The following SCHIP1 variants were observed in gnomAD, a reference collection of about 807,000 sequenced individuals.
SCHIP1 encodes the protein schwannomin-interacting protein 1.
In SCHIP1, 8 loss-of-function variants were observed where a neutral mutation model predicts 29.7. The observed-to-expected ratio is 0.27, with a 90% confidence interval of 0.16 to 0.49. SCHIP1 has a LOEUF of 0.49. Among genes scored for constraint, SCHIP1 ranks in the 20% least tolerant of loss-of-function variants. SCHIP1 has a pLI of 0.99. For missense variants in SCHIP1, 193 were observed against 294.6 expected (o/e 0.66, Z 2.52); for synonymous variants, 76 against 94.9 (o/e 0.80, Z 1.16).
the SCHIP1 span, among the ~76,000 whole-genome samples, chr3:159,634,056 G>A: frequency 6.6e-6 from 1 of 152,208 alleles, no homozygotes; most frequent in South Asian, 2.1e-4. Context: ...TGTGACATAT[G>A]AAGGGATGGG....
the SCHIP1 span, among the ~76,000 whole-genome samples, chr3:159,750,236 A>AAT: frequency 6.9e-6 from 1 of 145,964 alleles, no homozygotes; most frequent in Admixed American, 7.0e-5. Flanking sequence ...CAAAAAGCCA[A>AAT]ATATATATAG....
intron 1 of SCHIP1, among the ~76,000 whole-genome samples, chr3:159,855,650 A>T (rs1393727055): frequency 6.7e-6 from 1 of 149,560 alleles, no homozygotes; most frequent in Admixed American, 6.6e-5. Context: ...TATAAATATA[A>T]GTAAAAGTTG....
At chr3:159,501,878 C>A in the SCHIP1 span, among the ~76,000 whole-genome samples, 3 of 152,114 alleles carry the variant, frequency 2.0e-5, no homozygotes, top group Non-Finnish European at 4.4e-5. Context: ...CATGAGTTCC[C>A]ATTTTACAGA....
chr3:159,810,115 A>G, the SCHIP1 span, among the ~76,000 whole-genome samples: 14 of 152,196 alleles, frequency 9.2e-5, no homozygotes, highest in Non-Finnish European at 1.6e-4. Flanking sequence ...GCGTGATCTC[A>G]GCTCACTGCA....
the SCHIP1 span, among the ~76,000 whole-genome samples, chr3:159,688,996 T>C: frequency 6.6e-6 from 1 of 152,224 alleles, no homozygotes; most frequent in Non-Finnish European, 1.5e-5. Flanking sequence ...TTTTGGTTAC[T>C]GTAGGCTTGT....
the SCHIP1 span, among the ~76,000 whole-genome samples, chr3:159,569,666 T>A: frequency 2.0e-5 from 3 of 152,208 alleles, no homozygotes; most frequent in Non-Finnish European, 4.4e-5. Flanking sequence ...TGATTTATAA[T>A]CCTTTGGGTA....
chr3:159,750,902 C>CA, the SCHIP1 span, among the ~76,000 whole-genome samples: 2 of 35,586 alleles, frequency 5.6e-5, no homozygotes, highest in African/African-American at 8.7e-5. Context: ...TCCAAACAAA[C>CA]AAAAAAAAAT....
At chr3:159,797,661 C>G in the SCHIP1 span, among the ~76,000 whole-genome samples, 1 of 152,200 alleles carries the variant, frequency 6.6e-6, no homozygotes, top group South Asian at 2.1e-4. Context: ...CAAGCTCTGC[C>G]TCCCAGGTTC....
At chr3:159,779,349 C>T in the SCHIP1 span, among the ~76,000 whole-genome samples, 1 of 152,100 alleles carries the variant, frequency 6.6e-6, no homozygotes, top group African/African-American at 2.4e-5. Flanking sequence ...CTAATGGGCA[C>T]CAGGCATAGT....
chr3:159,321,337 C>T, the SCHIP1 span, among the ~76,000 whole-genome samples: 6 of 152,188 alleles, frequency 3.9e-5, no homozygotes, highest in African/African-American at 1.4e-4. Flanking sequence ...CGAGAAGTTT[C>T]TCCTTTCTGC....
the SCHIP1 span, among the ~76,000 whole-genome samples, chr3:159,277,145 T>C: frequency 6.6e-6 from 1 of 152,000 alleles, no homozygotes; most frequent in Admixed American, 6.6e-5. Flanking sequence ...TGCACCACAA[T>C]GGCAGGAAAA....
intron 1 of SCHIP1, among the ~76,000 whole-genome samples, chr3:159,860,116 G>T (rs1442299053): frequency 6.6e-6 from 1 of 152,130 alleles, no homozygotes; most frequent in Non-Finnish European, 1.5e-5. Context: ...TCCTTTCTGG[G>T]CCACGGGGGA....
the SCHIP1 span, among the ~76,000 whole-genome samples, chr3:159,687,992 G>T: frequency 6.6e-6 from 1 of 152,164 alleles, no homozygotes; most frequent in African/African-American, 2.4e-5. Flanking sequence ...TCTTTATTCA[G>T]TCTAACATTG....
At chr3:159,597,694 G>A in the SCHIP1 span, among the ~76,000 whole-genome samples, 1 of 152,090 alleles carries the variant, frequency 6.6e-6, no homozygotes, top group African/African-American at 2.4e-5. Flanking sequence ...GAAATTTAGG[G>A]TGTTTCCATA....
chr3:159,399,526 T>C, the SCHIP1 span, among the ~76,000 whole-genome samples: 1 of 152,052 alleles, frequency 6.6e-6, no homozygotes, highest in African/African-American at 2.4e-5. Context: ...GCACAAAAGT[T>C]CTCCATTTTA....
chr3:159,778,878 T>G, the SCHIP1 span, among the ~76,000 whole-genome samples: 1 of 152,148 alleles, frequency 6.6e-6, no homozygotes. Flanking sequence ...AGGGTGAATC[T>G]CCAGTGAGGG....
the SCHIP1 span, chr3:159,398,975 A>G: frequency 3.2e-5 from 31 of 982,596 alleles, no homozygotes; most frequent in Non-Finnish European, 3.4e-5. Flanking sequence ...TGCCCAGTCT[A>G]CAGCCCAGCC....
the SCHIP1 span, among the ~76,000 whole-genome samples, chr3:159,648,885 G>A: frequency 6.7e-6 from 1 of 149,756 alleles, no homozygotes; most frequent in Non-Finnish European, 1.5e-5. Context: ...AGTGGGGAAA[G>A]AGAGAGAGAG....
At chr3:159,766,066 T>G in the SCHIP1 span, among the ~76,000 whole-genome samples, 2 of 152,202 alleles carry the variant, frequency 1.3e-5, no homozygotes, top group Non-Finnish European at 2.9e-5. Context: ...GCTCCCCTGT[T>G]TAGCACTGCT....
Sources: gnomAD v4.1 joint callset for allele counts (sites outside exome capture counted in the v4.1 genomes callset) on GRCh38, gnomAD v4.1.1 for gene constraint, MANE v1.5 for transcripts, NCBI Gene and HGNC (gene_info 2026-07-23, HGNC 2026-07-21) for gene names.